Variants in SLC16A7 observed in about 807,000 individuals in gnomAD.
SLC16A7 encodes solute carrier family 16 member 7, also known as monocarboxylate transporter 2.
SLC16A7 carries 33 observed loss-of-function variants against 34.9 expected under a neutral mutation model. The ratio of observed to expected loss-of-function variants is 0.94; its 90% CI spans 0.72 to 1.26. SLC16A7 has a LOEUF of 1.26. SLC16A7 is among the 50% of genes most tolerant of loss of function. The probability of loss-of-function intolerance (pLI) is 0.00; values close to 1 mark genes in which losing one functional copy is unlikely to be tolerated. For missense variants in SLC16A7, 573 were observed against 578.1 expected, an observed-to-expected ratio of 0.99 and a Z score of 0.09; for synonymous variants, 201 against 206.6, an observed-to-expected ratio of 0.97 and a Z score of 0.23.
chr12:59,680,218 G>A (rs1281332004), intron 2 of SLC16A7, among the ~76,000 whole-genome samples: 1 of 152,162 alleles, frequency 6.6e-6, no homozygotes, highest in Non-Finnish European at 1.5e-5. Flanking sequence ...GGGATTCATA[G>A]CCAAGAAAGA....
intron 1 of SLC16A7, among the ~76,000 whole-genome samples, chr12:59,598,220 G>GT (rs1390816750): frequency 2.0e-5 from 3 of 152,196 alleles, no homozygotes; most frequent in Non-Finnish European, 4.4e-5. Context: ...ACTTTTGTAA[G>GT]GTTGAGTAAT....
chr12:59,692,755 T>C (rs534560703), intron 2 of SLC16A7, among the ~76,000 whole-genome samples: 1 of 152,164 alleles, frequency 6.6e-6, no homozygotes, highest in African/African-American at 2.4e-5. Flanking sequence ...AGGTTTTGTG[T>C]TACTGACATT....
intron 1 of SLC16A7, among the ~76,000 whole-genome samples, chr12:59,599,007 C>A (rs1878557109): frequency 6.6e-6 from 1 of 152,174 alleles, no homozygotes. Flanking sequence ...TCAGCTGGTA[C>A]AGTTAGTAAG....
At chr12:59,656,356 G>A (rs1369495529) in intron 2 of SLC16A7, among the ~76,000 whole-genome samples, 1 of 151,920 alleles carries the variant, frequency 6.6e-6, no homozygotes, top group Non-Finnish European at 1.5e-5. Flanking sequence ...TTATGTGCAT[G>A]GGCCCAGCGT....
intron 2 of SLC16A7, among the ~76,000 whole-genome samples, chr12:59,658,961 A>G (rs958040160): frequency 1.3e-5 from 2 of 152,166 alleles, no homozygotes; most frequent in Admixed American, 6.6e-5. Context: ...ATGATTTTAG[A>G]TACAGGGGAA....
At chr12:59,718,191 TGTG>T (rs1021591152) in intron 3 of SLC16A7, among the ~76,000 whole-genome samples, 3 of 152,126 alleles carry the variant, frequency 2.0e-5, no homozygotes, top group African/African-American at 7.2e-5. Flanking sequence ...CTTTATTTGT[TGTG>T]GTGATTTTTT....
chr12:59,753,441 G>T (rs1368089251), intron 3 of SLC16A7, among the ~76,000 whole-genome samples: 1 of 152,122 alleles, frequency 6.6e-6, no homozygotes, highest in Non-Finnish European at 1.5e-5. Context: ...ACAAAAAAAG[G>T]CAGGGGTTGC....
At chr12:59,752,773 C>G (rs544360582) in intron 3 of SLC16A7, among the ~76,000 whole-genome samples, 2 of 151,988 alleles carry the variant, frequency 1.3e-5, no homozygotes, top group Non-Finnish European at 2.9e-5. Flanking sequence ...AGATATTCCT[C>G]GAGAAGAGCA....
chr12:59,768,014 G>A (rs1411024592), intron 3 of SLC16A7: 4 of 359,576 alleles, frequency 1.1e-5, no homozygotes, highest in Non-Finnish European at 2.2e-5. Context: ...AATGGATGCA[G>A]CACACCAACA....
At chr12:59,676,640 A>G (rs1870337079) in intron 2 of SLC16A7, among the ~76,000 whole-genome samples, 1 of 152,100 alleles carries the variant, frequency 6.6e-6, no homozygotes, top group Non-Finnish European at 1.5e-5. Context: ...AATTACTCTA[A>G]GTTATTATAA....
At chr12:59,640,850 A>G (rs1880652103) in intron 1 of SLC16A7, among the ~76,000 whole-genome samples, 1 of 152,110 alleles carries the variant, frequency 6.6e-6, no homozygotes, top group Non-Finnish European at 1.5e-5. Context: ...GTGTTTTGCC[A>G]AAGTTCCCTT....
chr12:59,650,672 T>C (rs1005366128), intron 1 of SLC16A7, among the ~76,000 whole-genome samples: 3 of 152,168 alleles, frequency 2.0e-5, no homozygotes, highest in African/African-American at 7.2e-5. Flanking sequence ...CATATAGTTA[T>C]GTCCCAGGAA....
Position 59,783,528 on chromosome 12 carries a change from C to A in SLC16A7, c.*3849C>A, listed in dbSNP as rs1193997296. The stretch of plus-strand genomic sequence containing the variant: ...AGCAAAGGAAGATAAAATATAGGTA[C>A]AAAAAAGATACATCCTATATAGTAA... On this transcript the variant is annotated 3_prime_UTR_variant, in exon 6 of 6. Coordinates refer to ENST00000547379, the MANE Select transcript of SLC16A7 (RefSeq NM_001270623.2). 2 of 151,786 alleles carry A rather than the reference C, an allele frequency of 1.3e-5. No homozygotes were observed. The highest frequency in any genetic ancestry group is 4.8e-5 in the African/African-American group (2 of 41,356). 9.4% of individuals were successfully genotyped at this position (151,786 alleles called of 1,614,324 possible). A position where few individuals can be genotyped will look rare whatever the true frequency, so the allele number is the denominator to read the frequency against.
rs1188013310 is a variant in SLC16A7, at chr12:59,780,642, A to C, written c.*963A>C. 6.6e-6 allele frequency: 1 copy of C among 152,178 alleles called. No individual in the cohort carries two copies. The highest frequency in any genetic ancestry group is 1.5e-5 in the Non-Finnish European group (1 of 68,032). The allele number at this position is 152,178 out of a possible 1,614,324, so 9.4% of individuals were successfully genotyped here. A position where few individuals can be genotyped will look rare whatever the true frequency, so the allele number is the denominator to read the frequency against. On this transcript the variant is annotated 3_prime_UTR_variant, in exon 6 of 6. Coordinates refer to ENST00000547379, the MANE Select transcript of SLC16A7 (RefSeq NM_001270623.2). The stretch of plus-strand genomic sequence containing the variant: ...ATCAGGGATTTTATTTTAATCAGGC[A>C]TCAATCCAGATTCACTGTTATACTG...
intron 2 of SLC16A7, among the ~76,000 whole-genome samples, chr12:59,694,175 G>A (rs1565653108): frequency 6.6e-6 from 1 of 151,840 alleles, no homozygotes; most frequent in African/African-American, 2.4e-5. Context: ...AATAATTAAA[G>A]CTACTTTTGT....
chr12:59,613,662 A>T (rs1190748321), intron 1 of SLC16A7, among the ~76,000 whole-genome samples: 1 of 152,192 alleles, frequency 6.6e-6, no homozygotes, highest in Non-Finnish European at 1.5e-5. Flanking sequence ...GGTAGAAGAT[A>T]CATACTACCC....
intron 3 of SLC16A7, chr12:59,761,050 A>G: frequency 1.7e-6 from 1 of 595,474 alleles, no homozygotes; most frequent in South Asian, 1.7e-5. Flanking sequence ...AATACTTTAA[A>G]TATTTAAAAA....
intron 3 of SLC16A7, among the ~76,000 whole-genome samples, chr12:59,727,077 G>A (rs1407101396): frequency 6.6e-6 from 1 of 150,946 alleles, no homozygotes; most frequent in African/African-American, 2.4e-5. Flanking sequence ...ACTGACTGGT[G>A]TTGGAGGAAC....
intron 1 of SLC16A7, among the ~76,000 whole-genome samples, chr12:59,608,952 A>C (rs17122692): frequency 0.033 from 5,023 of 152,338 alleles, 254 homozygotes; most frequent in African/African-American, 0.11. Context: ...ATTTATGATC[A>C]AAATTATTAT....
Sources: gnomAD v4.1 joint callset for allele counts (sites outside exome capture counted in the v4.1 genomes callset) on GRCh38, gnomAD v4.1.1 for gene constraint, MANE v1.5 for transcripts, NCBI Gene and HGNC (gene_info 2026-07-23, HGNC 2026-07-21) for gene names.